The following DIRAS2 variants were observed in gnomAD, a reference collection of about 807,000 sequenced individuals.
DIRAS2 encodes the protein DIRAS family GTPase 2, also known as GTP-binding protein Di-Ras2.
In DIRAS2, 5 loss-of-function variants were observed where a neutral mutation model predicts 13.9. The observed-to-expected ratio is 0.36, with a 90% CI of 0.19 to 0.76. DIRAS2 has a LOEUF of 0.76. Among genes scored for constraint, DIRAS2 ranks in the 30% least tolerant of loss-of-function variants. The probability of loss-of-function intolerance (pLI) is 0.53; values close to 1 mark genes in which losing one functional copy is unlikely to be tolerated. For missense variants in DIRAS2, 191 were observed against 263.0 expected, an observed-to-expected ratio of 0.73 and a Z score of 1.89; for synonymous variants, 111 against 105.4, an observed-to-expected ratio of 1.05 and a Z score of -0.33.
chr9:90,625,083 G>A (rs986789884), intron 1 of DIRAS2, among the ~76,000 whole-genome samples: 2 of 152,228 alleles, frequency 1.3e-5, no homozygotes, highest in African/African-American at 2.4e-5. Flanking sequence ...ACCAATGACC[G>A]ATGCAGCATG....
chr9:90,610,290 A>G lies in DIRAS2; in HGVS notation c.*2938T>C. ...ATATACTAGCTTACAGATATGTACAATTTATGACTTTATACTTCAAAAATG... is the reference window on the plus strand; with the variant it reads ...ATATACTAGCTTACAGATATGTACAGTTTATGACTTTATACTTCAAAAATG... On this transcript the variant is annotated 3_prime_UTR_variant, in exon 2 of 2. Coordinates refer to ENST00000375765, the MANE Select transcript of DIRAS2 (RefSeq NM_017594.5). The G allele has an allele frequency of 2.5e-6, 1 of 397,288 alleles. No homozygotes were observed. The highest frequency in any genetic ancestry group is 4.4e-6 in the Non-Finnish European group (1 of 225,602). 24.6% of individuals were successfully genotyped at this position (397,288 alleles called of 1,614,324 possible).
At chr9:90,622,313 C>A (rs951309460) in intron 1 of DIRAS2, among the ~76,000 whole-genome samples, 2 of 152,084 alleles carry the variant, frequency 1.3e-5, no homozygotes, top group East Asian at 1.9e-4. Context: ...CAATAAAGAA[C>A]ATTAATAGGA....
intron 1 of DIRAS2, among the ~76,000 whole-genome samples, chr9:90,614,941 C>T (rs555677): frequency 0.091 from 13,881 of 152,096 alleles, 867 homozygotes; most frequent in Non-Finnish European, 0.14. Context: ...GTACCTTCTT[C>T]GGTAAGGAAG....
At position 90,613,876 on chromosome 9, in the gene DIRAS2, C is replaced by T. The variant is rs1404298662; in HGVS notation, c.-36-13G>A. On this transcript the variant is annotated splice_polypyrimidine_tract_variant and intron_variant, in intron 1 of 1. Transcript: ENST00000375765. The surrounding 1 kb of genome is among the most constrained non-coding windows in gnomAD (Gnocchi z 5.6). ...AGCCAGGACGCACCTAGCAAAGGAA[C>T]CAGATGTTTGAAAGAATTAATAATT... is the stretch of plus-strand genomic sequence containing the variant. 2.6e-6 allele frequency: 4 copies of T among 1,546,896 alleles called. No homozygotes were observed. The highest frequency in any genetic ancestry group is 2.1e-5 in the Admixed American group (1 of 48,650).
rs559173022 is a variant in DIRAS2, at chr9:90,641,611, C to T, written c.-37+1141G>A. On this transcript the variant is annotated intron_variant, in intron 1 of 1. Coordinates refer to ENST00000375765, the MANE Select transcript of DIRAS2 (RefSeq NM_017594.5). Reference sequence around the variant, plus strand: ...AAGAAGAAAAAAAAGTATGATTCCCCTACAAATTTGTTAAATTTATTCTAA... The same window carrying T: ...AAGAAGAAAAAAAAGTATGATTCCCTTACAAATTTGTTAAATTTATTCTAA... Among the ~76,000 whole-genome samples, 108 of 152,228 alleles carry T rather than the reference C, an allele frequency of 7.1e-4. 1 individual carries two copies. The highest frequency in any genetic ancestry group is 2.4e-3 in the African/African-American group (100 of 41,528).
chr9:90,634,988 T>C (rs757245968), intron 1 of DIRAS2, among the ~76,000 whole-genome samples: 39 of 152,234 alleles, frequency 2.6e-4, no homozygotes, highest in Non-Finnish European at 5.0e-4. Context: ...GTTTCATCTT[T>C]AAGACACCTT....
chr9:90,636,722 CAAAG>C, intron 1 of DIRAS2, among the ~76,000 whole-genome samples: 2 of 152,070 alleles, frequency 1.3e-5, no homozygotes, highest in Non-Finnish European at 2.9e-5. Context: ...GGTACATAGT[CAAAG>C]AGAGACAGAT....
intron 1 of DIRAS2, among the ~76,000 whole-genome samples, chr9:90,624,391 C>T (rs1204379730): frequency 2.0e-5 from 3 of 151,628 alleles, no homozygotes; most frequent in African/African-American, 4.8e-5. Flanking sequence ...ATGCTTTTCC[C>T]GGAATCTTGT....
intron 1 of DIRAS2, among the ~76,000 whole-genome samples, chr9:90,618,451 A>G (rs1169030350): frequency 6.6e-6 from 1 of 152,234 alleles, no homozygotes; most frequent in Admixed American, 6.5e-5. Context: ...AGCTAAAACT[A>G]TAAAACTCTT....
intron 1 of DIRAS2, among the ~76,000 whole-genome samples, chr9:90,638,636 ATGTGTGTG>A (rs10599969): frequency 2.0e-5 from 3 of 148,684 alleles, no homozygotes; most frequent in African/African-American, 7.4e-5. Context: ...TCCATTGATC[ATGTGTGTG>A]TGTGTGTGTG....
intron 1 of DIRAS2, among the ~76,000 whole-genome samples, chr9:90,636,782 A>G (rs978442378): frequency 2.0e-5 from 3 of 152,242 alleles, no homozygotes; most frequent in Admixed American, 2.0e-4. Context: ...AATACATGGA[A>G]GTATGGTATA....
chr9:90,622,827 G>A (rs1361052610), intron 1 of DIRAS2, among the ~76,000 whole-genome samples: 1 of 152,110 alleles, frequency 6.6e-6, no homozygotes, highest in African/African-American at 2.4e-5. Context: ...ATTCGAAATT[G>A]CTTTTTGAGG....
chr9:90,633,590 G>C (rs1370936634), intron 1 of DIRAS2, among the ~76,000 whole-genome samples: 1 of 152,242 alleles, frequency 6.6e-6, no homozygotes, highest in African/African-American at 2.4e-5. Flanking sequence ...AGGGATGGAA[G>C]CCAAGTGTGT....
At chr9:90,622,101 A>C (rs964906903) in intron 1 of DIRAS2, among the ~76,000 whole-genome samples, 1 of 152,168 alleles carries the variant, frequency 6.6e-6, no homozygotes, top group Non-Finnish European at 1.5e-5. Flanking sequence ...AAAATACAAA[A>C]GTAAGCTAGG....
At chr9:90,629,651 T>G (rs940047748) in intron 1 of DIRAS2, among the ~76,000 whole-genome samples, 5 of 152,210 alleles carry the variant, frequency 3.3e-5, no homozygotes, top group African/African-American at 1.2e-4. Flanking sequence ...CTCTTATATG[T>G]AATGGAGTAG....
chr9:90,618,106 C>T (rs1825185847), intron 1 of DIRAS2, among the ~76,000 whole-genome samples: 1 of 152,076 alleles, frequency 6.6e-6, no homozygotes, highest in South Asian at 2.1e-4. Flanking sequence ...CCAGAATAGT[C>T]AAAACAATGT....
chr9:90,624,315 G>C (rs1339486032), intron 1 of DIRAS2, among the ~76,000 whole-genome samples: 1 of 152,152 alleles, frequency 6.6e-6, no homozygotes, highest in Non-Finnish European at 1.5e-5. Flanking sequence ...AGATTTGTTA[G>C]TGGGAAATGT....
Position 90,609,947 on chromosome 9 carries a change from T to C in DIRAS2, c.*3281A>G, listed in dbSNP as rs7854469. On this transcript the variant is annotated 3_prime_UTR_variant, in exon 2 of 2. Transcript: ENST00000375765. ...TTATAACCGCAGAGTAAATAAAATA[T>C]AATAGAGAATAGACTTGTAACAATA... The C allele has an allele frequency of 6.6e-6, 1 of 152,520 alleles. No individual in the cohort carries two copies. The highest frequency in any genetic ancestry group is 2.1e-4 in the South Asian group (1 of 4,836). The allele number at this position is 152,520 out of a possible 1,614,324, so 9.4% of individuals were successfully genotyped here.
intron 1 of DIRAS2, 143 bp from the exon 2 acceptor site, chr9:90,614,006 G>T: frequency 1.1e-6 from 1 of 899,140 alleles, no homozygotes; most frequent in Non-Finnish European, 1.6e-6. Context: ...CAATAAATTT[G>T]GTCAATCCGC....
Sources: gnomAD v4.1 joint callset for allele counts (sites outside exome capture counted in the v4.1 genomes callset) on GRCh38, gnomAD v4.1.1 for gene constraint, Gnocchi (gnomAD v3.1) non-coding constraint, MANE v1.5 for transcripts, NCBI Gene and HGNC (gene_info 2026-07-23, HGNC 2026-07-21) for gene names.